The following POLR1D variants were observed in gnomAD, a reference collection of about 807,000 sequenced individuals.
POLR1D encodes the protein RNA polymerase I and III subunit D.
In POLR1D, 8 loss-of-function variants were observed where a neutral mutation model predicts 10.8. The observed-to-expected ratio is 0.74, with a 90% CI of 0.43 to 1.33. POLR1D has a LOEUF of 1.33. Ranked by LOEUF, POLR1D falls within the 40% of genes most tolerant of loss-of-function variation. The pLI is 0.01. For synonymous variants in POLR1D, 54 were observed against 57.2 expected (o/e 0.94, Z 0.25); for missense variants, 152 against 161.7 (o/e 0.94, Z 0.32).
At chr13:27,655,510 T>TGCCTTATTA (rs1481304222) in intron 2 of POLR1D, among the ~76,000 whole-genome samples, 2 of 152,228 alleles carry the variant, frequency 1.3e-5, no homozygotes, top group African/African-American at 4.8e-5. Context: ...ATACTGGATT[T>TGCCTTATTA]GCCTTATTAT....
intron 2 of POLR1D, among the ~76,000 whole-genome samples, chr13:27,657,872 C>T (rs1352844947): frequency 1.3e-5 from 2 of 152,218 alleles, no homozygotes; most frequent in East Asian, 1.9e-4. Flanking sequence ...TTTTTCCTAG[C>T]CAGAGTTCAG....
chr13:27,638,351 T>C (rs1956145248), intron 1 of POLR1D, among the ~76,000 whole-genome samples: 1 of 152,252 alleles, frequency 6.6e-6, no homozygotes, highest in African/African-American at 2.4e-5. Context: ...AGTATACACA[T>C]GTTTTCTTCC....
intron 1 of POLR1D, among the ~76,000 whole-genome samples, chr13:27,632,251 GATCTT>G (rs1956081185): frequency 6.6e-6 from 1 of 152,142 alleles, no homozygotes; most frequent in Non-Finnish European, 1.5e-5. Context: ...TTTTCCTTGG[GATCTT>G]ATCCCCACAG....
At chr13:27,625,150 C>T (rs1031818327), downstream of POLR1D, among the ~76,000 whole-genome samples, 15 of 152,068 alleles carry the variant, frequency 9.9e-5, no homozygotes, top group African/African-American at 3.1e-4. Context: ...GTTTTTGTAG[C>T]ACAGTAGACA....
In POLR1D at chr13:27,664,740, G is replaced by A. The variant is rs556987845; in HGVS notation, c.102-946G>A. On this transcript the variant is annotated intron_variant, in intron 2 of 2. Transcript: ENST00000399697. ...GTTGTTGGCTTGATTTTGAAGTATTGTTTGGGGTTCTCTGTAAATCAAAGT... is the reference window on the plus strand; with the variant it reads ...GTTGTTGGCTTGATTTTGAAGTATTATTTGGGGTTCTCTGTAAATCAAAGT... The A allele has an allele frequency of 1.8e-4, 28 of 152,292 alleles. No homozygotes were observed. The East Asian group carries it at 5.2e-3, about 28-fold the overall frequency. 9.4% of individuals were successfully genotyped at this position (152,292 alleles called of 1,614,324 possible).
At chr13:27,661,317 G>T (rs1956361884) in intron 2 of POLR1D, among the ~76,000 whole-genome samples, 1 of 152,158 alleles carries the variant, frequency 6.6e-6, no homozygotes, top group Admixed American at 6.5e-5. Context: ...GATATTTAGG[G>T]TTTATATCCA....
chr13:27,650,009 A>G (rs1956252135), intron 2 of POLR1D: 1 of 398,390 alleles, frequency 2.5e-6, no homozygotes, highest in Non-Finnish European at 4.4e-6. Flanking sequence ...AACTCACACA[A>G]TTAACTGAAA....
intron 2 of POLR1D, among the ~76,000 whole-genome samples, chr13:27,654,045 G>T (rs974913427): frequency 1.3e-5 from 2 of 152,154 alleles, no homozygotes; most frequent in Non-Finnish European, 2.9e-5. Context: ...CCCCTTGAAC[G>T]CTCCTTACAG....
chr13:27,638,363 G>A (rs1026247903), intron 1 of POLR1D, among the ~76,000 whole-genome samples: 1 of 152,078 alleles, frequency 6.6e-6, no homozygotes, highest in African/African-American at 2.4e-5. Flanking sequence ...TTTTCTTCCT[G>A]GGGTTAAAAA....
intron 2 of POLR1D, among the ~76,000 whole-genome samples, chr13:27,655,448 G>T (rs756133203): frequency 9.2e-5 from 14 of 152,060 alleles, no homozygotes; most frequent in Non-Finnish European, 1.9e-4. Flanking sequence ...CTTTTATAGT[G>T]GTTGCCTTTT....
Position 27,663,370 on chromosome 13 carries a change from T to G in POLR1D, c.102-2316T>G, listed in dbSNP as rs1278199511. Among the ~76,000 whole-genome samples, 2 of 152,168 alleles carry G rather than the reference T, an allele frequency of 1.3e-5. No individual in the cohort carries two copies. Among genetic ancestry groups the G allele is most frequent in the Admixed American group, 6.5e-5 (1 of 15,268 alleles). On this transcript the variant is annotated intron_variant, in intron 2 of 2. Transcript: ENST00000399697. The surrounding 1 kb of genome is among the most constrained non-coding windows in gnomAD (Gnocchi z 4.1). ...GCCACCCTTGGCTATTTACCTAGAATAGAATCCCAGGCATAACCAACATTA... is the reference window on the plus strand; with the variant it reads ...GCCACCCTTGGCTATTTACCTAGAAGAGAATCCCAGGCATAACCAACATTA...
At chr13:27,652,866 C>CAA (rs34688215) in intron 2 of POLR1D, among the ~76,000 whole-genome samples, 8 of 117,194 alleles carry the variant, frequency 6.8e-5, no homozygotes, top group South Asian at 2.6e-4. Flanking sequence ...GACTCCATCT[C>CAA]AAAAAAAAAA....
downstream of POLR1D, among the ~76,000 whole-genome samples, chr13:27,628,327 C>T (rs1956038349): frequency 6.6e-6 from 1 of 152,148 alleles, no homozygotes; most frequent in South Asian, 2.1e-4. Context: ...AGTTTAGGGG[C>T]CAGGATACGG....
At chr13:27,655,366 A>G (rs1237032813) in intron 2 of POLR1D, among the ~76,000 whole-genome samples, 1 of 152,202 alleles carries the variant, frequency 6.6e-6, no homozygotes, top group East Asian at 1.9e-4. Context: ...CTCATGCATA[A>G]CCACATTGTA....
chr13:27,636,414 T>C (rs542389422), intron 1 of POLR1D, among the ~76,000 whole-genome samples: 1 of 152,320 alleles, frequency 6.6e-6, no homozygotes, highest in Admixed American at 6.5e-5. Flanking sequence ...CTTACATTTT[T>C]TAATAATATA....
chr13:27,660,516 T>G (rs1257896529), intron 2 of POLR1D, among the ~76,000 whole-genome samples: 1 of 152,112 alleles, frequency 6.6e-6, no homozygotes, highest in Non-Finnish European at 1.5e-5. Flanking sequence ...CATCTCAGAG[T>G]CAGGCATGTT....
At chr13:27,665,506 CT>C (rs112658365) in intron 2 of POLR1D, 108 of 615,222 alleles carry the variant, frequency 1.8e-4, no homozygotes, top group South Asian at 2.0e-4. Context: ...TTCCAATCGT[CT>C]TTTTTTTTCC....
At chr13:27,659,906 G>GTATA (rs142807905) in intron 2 of POLR1D, among the ~76,000 whole-genome samples, 60,364 of 144,794 alleles carry the variant, frequency 0.42, 12,378 homozygotes, top group East Asian at 0.56. Flanking sequence ...TATCTCAGGT[G>GTATA]TATATATATA....
intron 2 of POLR1D, among the ~76,000 whole-genome samples, chr13:27,657,616 C>G (rs989910401): frequency 5.3e-5 from 8 of 152,158 alleles, no homozygotes; most frequent in African/African-American, 1.9e-4. Context: ...TAAGATCGGT[C>G]CTACAGGTTT....
Sources: allele counts gnomAD v4.1 joint callset (sites outside exome capture counted in the v4.1 genomes callset), GRCh38; gene constraint gnomAD v4.1.1; non-coding constraint Gnocchi (gnomAD v3.1); transcripts MANE v1.5; gene names NCBI Gene and HGNC (gene_info 2026-07-23, HGNC 2026-07-21).